The following GRM4 variants were observed in gnomAD, a reference collection of about 807,000 sequenced individuals.
GRM4 encodes the protein glutamate metabotropic receptor 4, also known as metabotropic glutamate receptor 4.
GRM4 carries 28 observed loss-of-function variants against 81.7 expected under a neutral mutation model. The observed-to-expected ratio is 0.34, with a 90% CI of 0.25 to 0.47. The LOEUF (loss-of-function observed/expected upper bound fraction) is 0.47, where lower values mean the gene tolerates loss of function less well. Among genes scored for constraint, GRM4 ranks in the 20% least tolerant of loss-of-function variants. The pLI is 1.00. For synonymous variants in GRM4, 488 were observed against 528.8 expected (o/e 0.92, Z 1.06); for missense variants, 948 against 1,290.0 (o/e 0.73, Z 4.06).
intron 1 of GRM4, among the ~76,000 whole-genome samples, chr6:34,144,785 G>T (rs967893590): frequency 6.6e-6 from 1 of 152,192 alleles, no homozygotes; most frequent in Non-Finnish European, 1.5e-5. Flanking sequence ...CCTCCATCCG[G>T]TGGAAGCCCC....
chr6:34,127,130 A>C (rs2127507757), intron 2 of GRM4, among the ~76,000 whole-genome samples: 1 of 152,310 alleles, frequency 6.6e-6, no homozygotes, highest in East Asian at 1.9e-4. Flanking sequence ...ATCGTTTGCT[A>C]ACCCCTGGGC....
intron 10 of GRM4, 147 bp downstream of exon 10, chr6:34,027,973 C>T: frequency 1.1e-6 from 1 of 878,086 alleles, no homozygotes; most frequent in East Asian, 2.7e-5. Flanking sequence ...CACCTGTAGC[C>T]TCAGGGTTCC....
intron 2 of GRM4, among the ~76,000 whole-genome samples, chr6:34,099,353 G>A (rs1025385013): frequency 3.3e-5 from 5 of 152,216 alleles, no homozygotes; most frequent in African/African-American, 1.2e-4. Context: ...AGGCCCAGAA[G>A]TCCAGGAGAA....
chr6:34,052,395 C>A (rs949488164), intron 6 of GRM4, among the ~76,000 whole-genome samples: 12 of 152,254 alleles, frequency 7.9e-5, no homozygotes, highest in African/African-American at 2.9e-4. Context: ...CCACTTCAGA[C>A]AGCATTGAAG....
chr6:34,036,066 C>G lies in GRM4; in HGVS notation c.2044G>C (p.Glu682Gln). ...GCACTGACCGAGCGCTTGCCCTGCTCGAAGATGCGGTAGATGCGGTTGGTC... is the reference window on the plus strand; with the variant it reads ...GCACTGACCGAGCGCTTGCCCTGCTGGAAGATGCGGTAGATGCGGTTGGTC... ...TKTNRIYRIF[E>Q]QGKRSVSAPR... Residue 682 changes from glutamate to glutamine, a missense_variant, in exon 9 of 11, where the codon GAG becomes CAG. Transcript: ENST00000538487. The surrounding 1 kb of genome is among the most constrained non-coding windows in gnomAD (Gnocchi z 9.0). The G allele has an allele frequency of 6.2e-7, 1 of 1,614,140 alleles. No homozygotes were observed. The highest frequency in any genetic ancestry group is 8.5e-7 in the Non-Finnish European group (1 of 1,180,040).
intron 2 of GRM4, among the ~76,000 whole-genome samples, chr6:34,120,161 C>T (rs1237668700): frequency 6.6e-6 from 1 of 152,212 alleles, no homozygotes; most frequent in African/African-American, 2.4e-5. Flanking sequence ...CTGGGGAACC[C>T]AGTCTCCTCC....
upstream of GRM4, among the ~76,000 whole-genome samples, chr6:34,146,500 G>C (rs566578125): frequency 6.6e-6 from 1 of 152,320 alleles, no homozygotes; most frequent in South Asian, 2.1e-4. Context: ...AAACTCTCAG[G>C]AGAGTGTTGC....
At chr6:34,041,521 C>T (rs1765020470) in intron 6 of GRM4, among the ~76,000 whole-genome samples, 1 of 152,220 alleles carries the variant, frequency 6.6e-6, no homozygotes, top group Non-Finnish European at 1.5e-5. Flanking sequence ...CCCTCCCCTC[C>T]GTGTCCACTG....
At position 34,069,132 on chromosome 6, in the gene GRM4, G is replaced by T. The variant is rs1766646891; in HGVS notation, c.737-7104C>A. Among the ~76,000 whole-genome samples the T allele has an allele frequency of 6.6e-6, 1 of 150,868 alleles. No individual in the cohort carries two copies. The highest frequency in any genetic ancestry group is 2.1e-4 in the South Asian group (1 of 4,776). On this transcript the variant is annotated intron_variant, in intron 3 of 10. Transcript: ENST00000538487. The surrounding 1 kb of genome is among the most constrained non-coding windows in gnomAD (Gnocchi z 6.4). The stretch of plus-strand genomic sequence containing the variant: ...TAGGGGAGGACAGAGGGGAGGACAG[G>T]GGCTGGAAGCTACCCCTGGACCCTC...
Position 34,092,047 on chromosome 6 carries a change from C to A in GRM4, c.572G>T (p.Arg191Leu). ...STAPDLSDNS[R>L]YDFFSRVVPS... Reference sequence around the variant, plus strand: ...CACCACGCGGGAGAAGAAGTCGTAGCGGCTGTTGTCACTCAGGTCTGGCGC... The same window carrying A: ...CACCACGCGGGAGAAGAAGTCGTAGAGGCTGTTGTCACTCAGGTCTGGCGC... The change falls in exon 3 of 11, where the codon CGC (arginine) becomes CTC (leucine). Residue 191 changes from arginine to leucine, a missense_variant. Arg to Leu is a moderately radical substitution (Grantham distance 102). Transcript: ENST00000538487. This position sits in a 1 kb window ranked among gnomAD's most constrained non-coding sequence, Gnocchi z 6.8. 6.2e-7 allele frequency: 1 copy of A among 1,613,822 alleles called. No homozygotes were observed. Among genetic ancestry groups the A allele is most frequent in the Non-Finnish European group, 8.5e-7 (1 of 1,179,762 alleles).
chr6:34,149,240 C>G (rs1770999969), upstream of GRM4, among the ~76,000 whole-genome samples: 1 of 152,126 alleles, frequency 6.6e-6, no homozygotes, highest in Non-Finnish European at 1.5e-5. Flanking sequence ...GGTGCAGATT[C>G]CCTGAGAGAA....
At chr6:34,087,901 T>A (rs534671796) in intron 3 of GRM4, among the ~76,000 whole-genome samples, 3 of 143,984 alleles carry the variant, frequency 2.1e-5, no homozygotes, top group Admixed American at 7.0e-5. Context: ...AGACCAGCCA[T>A]ACCCTAAGAA....
chr6:34,134,788 T>A (rs1770388132), intron 1 of GRM4, among the ~76,000 whole-genome samples: 1 of 152,012 alleles, frequency 6.6e-6, no homozygotes. Flanking sequence ...ACTGGCACAT[T>A]ATTAAGATCA....
chr6:34,097,454 C>T (rs1768594189), intron 2 of GRM4, among the ~76,000 whole-genome samples: 1 of 141,668 alleles, frequency 7.1e-6, no homozygotes, highest in Non-Finnish European at 1.5e-5. Context: ...TGTGTGTGCG[C>T]GCGCATGTGT....
At chr6:34,144,924 C>T (rs1264121115) in intron 1 of GRM4, among the ~76,000 whole-genome samples, 2 of 152,114 alleles carry the variant, frequency 1.3e-5, no homozygotes, top group Non-Finnish European at 2.9e-5. Flanking sequence ...CCGCGCCCTC[C>T]GGCCCCTAGG....
chr6:34,069,114 G>A lies in GRM4; in HGVS notation c.737-7086C>T, dbSNP rs953347802. Among the ~76,000 whole-genome samples, 1 of 151,730 alleles carries A rather than the reference G, an allele frequency of 6.6e-6. No individual in the cohort carries two copies. The highest frequency in any genetic ancestry group is 6.6e-5 in the Admixed American group (1 of 15,244). ...AGGTCCCCCCGGCTCCCATAGGGGAGGACAGAGGGGAGGACAGGGGCTGGA... is the reference window on the plus strand; with the variant it reads ...AGGTCCCCCCGGCTCCCATAGGGGAAGACAGAGGGGAGGACAGGGGCTGGA... On this transcript the variant is annotated intron_variant, in intron 3 of 10. Coordinates refer to ENST00000538487, the MANE Select transcript of GRM4 (RefSeq NM_000841.4). This position sits in a 1 kb window ranked among gnomAD's most constrained non-coding sequence, Gnocchi z 6.4.
intron 3 of GRM4, 39 bp downstream of exon 3, chr6:34,091,844 C>A: frequency 6.8e-7 from 1 of 1,465,338 alleles, no homozygotes; most frequent in East Asian, 2.3e-5. Flanking sequence ...GGGACACCCC[C>A]GAGCCTGGCA....
At chr6:34,088,607 CAG>C (rs1581680105) in intron 3 of GRM4, among the ~76,000 whole-genome samples, 2 of 152,196 alleles carry the variant, frequency 1.3e-5, no homozygotes, top group East Asian at 1.9e-4. Context: ...CTGGAGGAGA[CAG>C]GGTGTATAGG....
Position 34,068,470 on chromosome 6 carries a change from C to G in GRM4, c.737-6442G>C, listed in dbSNP as rs74893650. ...ACCGTGGCAGGACCCTCTGAGCCCC[C>G]ACTGTGCCTGGGATGCTCTCCTTGC... On this transcript the variant is annotated intron_variant, in intron 3 of 10. Transcript: ENST00000538487. This position sits in a 1 kb window ranked among gnomAD's most constrained non-coding sequence, Gnocchi z 4.2. Among the ~76,000 whole-genome samples the G allele has an allele frequency of 2.0e-5, 3 of 152,114 alleles. No individual in the cohort carries two copies. The highest frequency in any genetic ancestry group is 1.3e-4 in the Admixed American group (2 of 15,272).
Sources: allele counts gnomAD v4.1 joint callset (sites outside exome capture counted in the v4.1 genomes callset), GRCh38; gene constraint gnomAD v4.1.1; non-coding constraint Gnocchi (gnomAD v3.1); transcripts MANE v1.5; gene names NCBI Gene and HGNC (gene_info 2026-07-23, HGNC 2026-07-21).